PRKG1: variants seen among roughly 807,000 people sequenced by gnomAD.
The protein encoded by PRKG1 is cGMP-dependent protein kinase 1.
PRKG1 carries 35 observed loss-of-function variants against 88.1 expected under a neutral mutation model. That is an observed-to-expected ratio of 0.40 (90% confidence interval 0.30 to 0.53). PRKG1 has a LOEUF of 0.53. Ranked by LOEUF, PRKG1 falls within the 20% of genes least tolerant of loss-of-function variation. PRKG1 has a pLI of 0.59. For synonymous variants in PRKG1, 303 were observed against 292.5 expected (o/e 1.04, Z -0.37); for missense variants, 540 against 839.8 (o/e 0.64, Z 4.41).
At chr10:51,776,110 A>G (rs924576850) in intron 3 of PRKG1, among the ~76,000 whole-genome samples, 6 of 152,180 alleles carry the variant, frequency 3.9e-5, no homozygotes, top group Non-Finnish European at 5.9e-5. Context: ...GTGAGCAAAC[A>G]ACCTGGTAAT....
chr10:52,000,182 T>G (rs886156546), intron 5 of PRKG1, among the ~76,000 whole-genome samples: 2 of 152,068 alleles, frequency 1.3e-5, no homozygotes, highest in African/African-American at 2.4e-5. Flanking sequence ...ATGATACATA[T>G]TTGACTTCTG....
intron 9 of PRKG1, among the ~76,000 whole-genome samples, chr10:52,244,381 A>G (rs940379817): frequency 1.3e-5 from 2 of 151,954 alleles, no homozygotes; most frequent in Non-Finnish European, 2.9e-5. Flanking sequence ...CTCTTTGTAT[A>G]GCAATTAAAT....
chr10:52,080,442 T>G (rs1442892413), intron 7 of PRKG1, among the ~76,000 whole-genome samples: 1 of 152,200 alleles, frequency 6.6e-6, no homozygotes, highest in Non-Finnish European at 1.5e-5. Context: ...TTGTTACATT[T>G]TTCAATGCAA....
chr10:51,837,745 T>C (rs546034415), intron 4 of PRKG1, among the ~76,000 whole-genome samples: 1 of 152,322 alleles, frequency 6.6e-6, no homozygotes, highest in African/African-American at 2.4e-5. Flanking sequence ...GTAAATAGTT[T>C]GAAGGCAAAG....
intron 2 of PRKG1, among the ~76,000 whole-genome samples, chr10:51,381,859 C>A (rs1837114026): frequency 6.6e-6 from 1 of 152,160 alleles, no homozygotes. Context: ...TCCTATCATA[C>A]AACATTGTTG....
At chr10:51,762,154 A>C (rs1336776418) in intron 3 of PRKG1, among the ~76,000 whole-genome samples, 1 of 152,192 alleles carries the variant, frequency 6.6e-6, no homozygotes, top group Non-Finnish European at 1.5e-5. Context: ...TCCATGGTCC[A>C]TGTGGTAGAT....
intron 4 of PRKG1, among the ~76,000 whole-genome samples, chr10:51,892,539 G>A (rs1021068119): frequency 6.6e-6 from 1 of 152,156 alleles, no homozygotes; most frequent in Non-Finnish European, 1.5e-5. Context: ...GGAGATGAGA[G>A]GTTGAGCAAG....
intron 4 of PRKG1, among the ~76,000 whole-genome samples, chr10:51,810,672 T>TTA (rs1428759807): frequency 2.6e-5 from 4 of 152,076 alleles, no homozygotes; most frequent in Non-Finnish European, 4.4e-5. Flanking sequence ...TGCTACCTAT[T>TTA]TATATATATG....
chr10:51,964,158 C>G (rs989265407), intron 5 of PRKG1, among the ~76,000 whole-genome samples: 3 of 152,064 alleles, frequency 2.0e-5, no homozygotes, highest in African/African-American at 7.2e-5. Context: ...TGACATTGAC[C>G]CTCTTGCTTC....
intron 5 of PRKG1, among the ~76,000 whole-genome samples, chr10:52,039,356 C>A (rs902795029): frequency 2.0e-5 from 3 of 151,916 alleles, no homozygotes; most frequent in African/African-American, 7.3e-5. Context: ...CAGGATGAGC[C>A]AGGAAAAGGA....
At chr10:52,281,324 A>T (rs930551665) in intron 13 of PRKG1, among the ~76,000 whole-genome samples, 1 of 152,190 alleles carries the variant, frequency 6.6e-6, no homozygotes, top group Non-Finnish European at 1.5e-5. Context: ...ATGGAAAAAA[A>T]TGTGCTTTAC....
chr10:52,228,186 T>C, intron 9 of PRKG1, among the ~76,000 whole-genome samples: 1 of 152,062 alleles, frequency 6.6e-6, no homozygotes, highest in Non-Finnish European at 1.5e-5. Context: ...AATGCAATTG[T>C]CAACTGCATC....
chr10:51,764,688 G>GT (rs1456433285), intron 3 of PRKG1, among the ~76,000 whole-genome samples: 1 of 152,078 alleles, frequency 6.6e-6, no homozygotes, highest in African/African-American at 2.4e-5. Flanking sequence ...ATTTCCTAAA[G>GT]TAAGAATTAA....
chr10:51,502,813 C>T (rs1423127007), intron 3 of PRKG1, among the ~76,000 whole-genome samples: 2 of 152,088 alleles, frequency 1.3e-5, no homozygotes, highest in African/African-American at 4.8e-5. Flanking sequence ...GAATCTAAGT[C>T]CTTCTCCTTC....
chr10:51,188,211 C>T (rs1168754358), intron 2 of PRKG1, among the ~76,000 whole-genome samples: 1 of 151,938 alleles, frequency 6.6e-6, no homozygotes. Context: ...TATAAAGGAT[C>T]TTTTAGTTAT....
chr10:51,012,377 A>G (rs1843003054), intron 1 of PRKG1, among the ~76,000 whole-genome samples: 1 of 152,192 alleles, frequency 6.6e-6, no homozygotes, highest in Non-Finnish European at 1.5e-5. Context: ...GATAATTCTA[A>G]CAGTGATATG....
intron 2 of PRKG1, among the ~76,000 whole-genome samples, chr10:51,251,798 G>C (rs887837032): frequency 6.6e-6 from 1 of 151,698 alleles, no homozygotes; most frequent in East Asian, 1.9e-4. Flanking sequence ...AAATGTGTAC[G>C]GAAGTTTTGT....
chr10:51,659,564 G>A (rs976691271), intron 3 of PRKG1, among the ~76,000 whole-genome samples: 1 of 152,082 alleles, frequency 6.6e-6, no homozygotes, highest in African/African-American at 2.4e-5. Context: ...AGACTAAAGG[G>A]CAGGGGAAAT....
At chr10:51,874,498 T>A (rs1841242909) in intron 4 of PRKG1, among the ~76,000 whole-genome samples, 1 of 152,232 alleles carries the variant, frequency 6.6e-6, no homozygotes, top group Non-Finnish European at 1.5e-5. Context: ...TCCAATATGT[T>A]GTTGATGCAT....
Sources: allele counts gnomAD v4.1 joint callset (sites outside exome capture counted in the v4.1 genomes callset), GRCh38; gene constraint gnomAD v4.1.1; transcripts MANE v1.5; gene names NCBI Gene and HGNC (gene_info 2026-07-23, HGNC 2026-07-21).